The following QRSL1 variants were observed in gnomAD, a reference collection of about 807,000 sequenced individuals.
QRSL1 encodes glutamyl-tRNA(Gln) amidotransferase subunit A, mitochondrial.
QRSL1 carries 54 observed loss-of-function variants against 61.6 expected under a neutral mutation model. The ratio of observed to expected loss-of-function variants is 0.88; its 90% CI spans 0.70 to 1.10. The LOEUF (loss-of-function observed/expected upper bound fraction) is 1.10, where lower values mean the gene tolerates loss of function less well. QRSL1 is among the 50% of genes least tolerant of loss of function. QRSL1 has a pLI of 0.00. For synonymous variants in QRSL1, 228 were observed against 225.7 expected (o/e 1.01, Z -0.09); for missense variants, 505 against 622.6 (o/e 0.81, Z 2.01).
Position 106,640,488 on chromosome 6 carries a change from C to G in QRSL1, c.164C>G (p.Ser55Ter), listed in dbSNP as rs1777000791. The change falls in exon 2 of 11, where the codon TCA becomes TGA. Residue 55 changes from serine to a stop codon, truncating the protein, a stop_gained. Transcript: ENST00000369046. LOFTEE classifies it high-confidence loss of function. Reference sequence around the variant, plus strand: ...GTGGCCTTAAAACAAGCTGAAGAATCAGAAAAGAGATATAAGAATGGTAAA... The same window carrying G: ...GTGGCCTTAAAACAAGCTGAAGAATGAGAAAAGAGATATAAGAATGGTAAA... ...EEVALKQAEE[S>*]EKRYKNGQSL... 1 of 1,582,994 alleles carries G rather than the reference C, an allele frequency of 6.3e-7. No individual in the cohort carries two copies. The highest frequency in any genetic ancestry group is 1.4e-5 in the African/African-American group (1 of 72,854).
rs72945092 is a variant in QRSL1, at chr6:106,629,632, C to A, written c.-50C>A. The stretch of plus-strand genomic sequence containing the variant: ...TAACATCACTAGCGACCGGTGACCT[C>A]TTTTTCCCCCTTGCCTGGCTCCTGT... On this transcript the variant is annotated 5_prime_UTR_variant, in exon 1 of 11. Transcript: ENST00000369046. The A allele has an allele frequency of 0.014, 22,060 of 1,577,312 alleles. 187 individuals carry two copies. The highest frequency in any genetic ancestry group is 0.016 in the Non-Finnish European group (18,976 of 1,162,230).
rs1479361590 is a variant in QRSL1 at position 106,629,580 on chromosome 6, T to C, written c.-102T>C. 5 of 1,425,926 alleles carry C rather than the reference T, an allele frequency of 3.5e-6. No individual in the cohort carries two copies. Among genetic ancestry groups the C allele is most frequent in the Non-Finnish European group, 4.8e-6 (5 of 1,043,818 alleles). The allele number at this position is 1,425,926 out of a possible 1,614,324, so 88.3% of individuals were successfully genotyped here. On this transcript the variant is annotated 5_prime_UTR_variant, in exon 1 of 11. Coordinates refer to ENST00000369046, the MANE Select transcript of QRSL1 (RefSeq NM_018292.5). ...AAGTACTCGGTGTTGAAGGGCTCAGTGACAATTAAAGATGGCTGCGCCCAT... is the reference window on the plus strand; with the variant it reads ...AAGTACTCGGTGTTGAAGGGCTCAGCGACAATTAAAGATGGCTGCGCCCAT...
chr6:106,657,806 G>A (rs1366786698), intron 9 of QRSL1, among the ~76,000 whole-genome samples: 2 of 152,182 alleles, frequency 1.3e-5, no homozygotes, highest in African/African-American at 2.4e-5. Flanking sequence ...CTGGGTTCAA[G>A]CAATTCTTCT....
chr6:106,638,795 C>T (rs1776962877), intron 1 of QRSL1, among the ~76,000 whole-genome samples: 1 of 152,120 alleles, frequency 6.6e-6, no homozygotes, highest in Non-Finnish European at 1.5e-5. Context: ...CTGCTTGTTG[C>T]ATTTAAAACC....
At chr6:106,640,652 G>A (rs1777002861) in intron 2 of QRSL1, 144 bp downstream of exon 2, 1 of 960,416 alleles carries the variant, frequency 1.0e-6, no homozygotes, top group Non-Finnish European at 1.5e-6. Flanking sequence ...AAAAATGAGG[G>A]TAATGGCTAT....
Position 106,662,985 on chromosome 6 carries a change from A to T in QRSL1, c.1166A>T (p.Tyr389Phe). 1 of 1,605,068 alleles carries T rather than the reference A, an allele frequency of 6.2e-7. No homozygotes were observed. Among genetic ancestry groups the T allele is most frequent in the African/African-American group, 1.3e-5 (1 of 74,836 alleles). ...SGNFFLLKEN[Y>F]ENYFVKAQKV... ...CACCTACTTTTTTCCCACAGAAACTATGAAAATTATTTTGTCAAAGCACAG... is the reference window on the plus strand; with the variant it reads ...CACCTACTTTTTTCCCACAGAAACTTTGAAAATTATTTTGTCAAAGCACAG... Residue 389 changes from tyrosine to phenylalanine, a missense_variant, in exon 10 of 11, where the codon TAT (tyrosine) becomes TTT (phenylalanine). By Grantham distance (22) the Tyr-to-Phe change is conservative (BLOSUM62 3). Coordinates refer to ENST00000369046, the MANE Select transcript of QRSL1 (RefSeq NM_018292.5).
At chr6:106,658,532 C>G (rs539796330) in intron 9 of QRSL1, among the ~76,000 whole-genome samples, 2 of 151,922 alleles carry the variant, frequency 1.3e-5, no homozygotes, top group East Asian at 3.9e-4. Flanking sequence ...TAAGCCTGAG[C>G]GACAGAGCGA....
At chr6:106,643,998 A>G (rs1014193307) in intron 4 of QRSL1, among the ~76,000 whole-genome samples, 3 of 151,646 alleles carry the variant, frequency 2.0e-5, no homozygotes. Context: ...CAGCCTCCCA[A>G]GTAGCTGGGA....
rs184272717 is a variant in QRSL1, at chr6:106,647,917, T to C, written c.381-1108T>C. On this transcript the variant is annotated intron_variant, in intron 4 of 10. Coordinates refer to ENST00000369046, the MANE Select transcript of QRSL1 (RefSeq NM_018292.5). ...CGCCCTCCTCGGCCTCCCAAAGTGC[T>C]GGGATTACAGGCGTGAGCCACTGCA... Among the ~76,000 whole-genome samples the C allele has an allele frequency of 3.9e-3, 582 of 150,758 alleles. 1 individual carries two copies. The highest frequency in any genetic ancestry group is 0.02 in the Middle Eastern group (6 of 294).
intron 9 of QRSL1, 96 bp downstream of exon 9, chr6:106,655,828 C>T: frequency 1.3e-6 from 1 of 779,240 alleles, no homozygotes; most frequent in South Asian, 1.5e-5. Context: ...AGTAAAGAAA[C>T]AAAATCTTTA....
chr6:106,645,503 A>G (rs1480561948), intron 4 of QRSL1, among the ~76,000 whole-genome samples: 1 of 151,800 alleles, frequency 6.6e-6, no homozygotes, highest in Non-Finnish European at 1.5e-5. Context: ...GCTCACTGCA[A>G]CCTCTGCCTC....
At chr6:106,643,191 T>C (rs931929022) in intron 4 of QRSL1, 101 bp downstream of exon 4, 35 of 775,510 alleles carry the variant, frequency 4.5e-5, no homozygotes, top group Non-Finnish European at 7.2e-5. Flanking sequence ...TGCCAGTTTC[T>C]TAGTCCCTCT....
intron 4 of QRSL1, 116 bp downstream of exon 4, chr6:106,643,206 G>A (rs932728954): frequency 1.7e-5 from 12 of 718,810 alleles, no homozygotes; most frequent in Admixed American, 1.2e-4. Context: ...CCCTCTGTGA[G>A]ATTATGTTAT....
At chr6:106,635,758 C>CACACGCCTG (rs1776910143) in intron 1 of QRSL1, among the ~76,000 whole-genome samples, 3 of 152,012 alleles carry the variant, frequency 2.0e-5, no homozygotes. Context: ...GTAATCCCAG[C>CACACGCCTG]TACTCAGGAG....
At chr6:106,654,674 T>A in intron 7 of QRSL1, 56 bp from the exon 8 acceptor site, 1 of 1,452,950 alleles carries the variant, frequency 6.9e-7, no homozygotes, top group Non-Finnish European at 9.3e-7. Context: ...GAAGTACAAA[T>A]TTTTATAAAA....
In QRSL1 at chr6:106,642,545, A is replaced by G. The variant is rs192431297; in HGVS notation, c.284-449A>G. The G allele has an allele frequency of 2.4e-5, 17 of 720,770 alleles. No homozygotes were observed. In the East Asian group the frequency reaches 2.5e-4, roughly 11 times the overall value. The allele number at this position is 720,770 out of a possible 1,614,324, so 44.6% of individuals were successfully genotyped here. On this transcript the variant is annotated intron_variant, in intron 3 of 10. Coordinates refer to ENST00000369046, the MANE Select transcript of QRSL1 (RefSeq NM_018292.5). ...AAACAGGGAGTTGTTTGCCATGTAC[A>G]TGTGAACCTATAAGAAAGGTGATGT...
chr6:106,636,469 C>A (rs148873440), intron 1 of QRSL1, among the ~76,000 whole-genome samples: 2 of 152,212 alleles, frequency 1.3e-5, no homozygotes, highest in African/African-American at 4.8e-5. Flanking sequence ...TACAGATGCA[C>A]GCCACCACGC....
chr6:106,642,552 C>G, intron 3 of QRSL1: 2 of 724,578 alleles, frequency 2.8e-6, no homozygotes, highest in South Asian at 2.9e-5. Context: ...TACATGTGAA[C>G]CTATAAGAAA....
chr6:106,661,365 C>T (rs1430744334), intron 9 of QRSL1, among the ~76,000 whole-genome samples: 3 of 152,250 alleles, frequency 2.0e-5, no homozygotes, highest in Admixed American at 6.5e-5. Context: ...TCCGACGCCT[C>T]GGCCTCCCAA....
Sources: allele counts gnomAD v4.1 joint callset (sites outside exome capture counted in the v4.1 genomes callset), GRCh38; gene constraint gnomAD v4.1.1; transcripts MANE v1.5; gene names NCBI Gene and HGNC (gene_info 2026-07-23, HGNC 2026-07-21).